The following SUSD1 variants were observed in gnomAD, a reference collection of about 807,000 sequenced individuals.
The protein encoded by SUSD1 is sushi domain-containing protein 1.
Under a neutral mutation model 86.9 loss-of-function variants are expected in SUSD1, and 65 were observed. The ratio of observed to expected loss-of-function variants is 0.75; its 90% CI spans 0.61 to 0.92. The LOEUF (loss-of-function observed/expected upper bound fraction) is 0.92, where lower values mean the gene tolerates loss of function less well. SUSD1 is among the 40% of genes least tolerant of loss of function. The pLI is 0.00. For synonymous variants in SUSD1, 346 were observed against 350.0 expected (o/e 0.99, Z 0.13); for missense variants, 850 against 929.7 (o/e 0.91, Z 1.11).
At chr9:112,059,867 T>C (rs1453352821) in intron 13 of SUSD1, among the ~76,000 whole-genome samples, 3 of 152,210 alleles carry the variant, frequency 2.0e-5, no homozygotes, top group African/African-American at 7.2e-5. Context: ...TCAGGCTTGA[T>C]AGCAGGGATC....
intron 11 of SUSD1, 90 bp from the exon 12 acceptor site, chr9:112,078,814 T>C (rs574922970): frequency 1.1e-4 from 83 of 755,720 alleles, no homozygotes; most frequent in African/African-American, 9.5e-4. Flanking sequence ...TCTTTCTCTT[T>C]TTTTTTTTTT....
At chr9:112,154,333 C>A (rs200252226) in intron 2 of SUSD1, among the ~76,000 whole-genome samples, 17,630 of 101,758 alleles carry the variant, frequency 0.17, 1,299 homozygotes, top group East Asian at 0.36. Context: ...CACACACACA[C>A]ACAAAAAAAA....
intron 10 of SUSD1, among the ~76,000 whole-genome samples, chr9:112,087,457 A>G (rs375832775): frequency 5.9e-5 from 9 of 152,336 alleles, no homozygotes; most frequent in African/African-American, 2.2e-4. Context: ...CTGGGATTAC[A>G]GGTATGAGCC....
At chr9:112,088,910 C>T (rs1485366655) in intron 10 of SUSD1, among the ~76,000 whole-genome samples, 6 of 152,120 alleles carry the variant, frequency 3.9e-5, no homozygotes, top group Admixed American at 3.9e-4. Flanking sequence ...AGTTTGAGAC[C>T]AGCATGGGCA....
intron 2 of SUSD1, among the ~76,000 whole-genome samples, chr9:112,155,754 G>T (rs1414329270): frequency 1.3e-5 from 2 of 151,932 alleles, no homozygotes; most frequent in Non-Finnish European, 2.9e-5. Context: ...TTGAGCCCAG[G>T]AGCTCAAGAC....
chr9:112,157,919 G>C (rs1393271459), intron 1 of SUSD1, among the ~76,000 whole-genome samples: 1 of 151,342 alleles, frequency 6.6e-6, no homozygotes, highest in Non-Finnish European at 1.5e-5. Context: ...AACCTCCTGG[G>C]AGAAGGTGAA....
intron 5 of SUSD1, among the ~76,000 whole-genome samples, chr9:112,127,476 C>A (rs1831822983): frequency 6.6e-6 from 1 of 152,146 alleles, no homozygotes; most frequent in Admixed American, 6.6e-5. Context: ...CCTTCTTCTG[C>A]AGGTGCACTC....
chr9:112,115,925 GTA>G (rs1337342229), intron 6 of SUSD1, among the ~76,000 whole-genome samples: 1 of 151,482 alleles, frequency 6.6e-6, no homozygotes, highest in Non-Finnish European at 1.5e-5. Flanking sequence ...GATGATGTTG[GTA>G]CCAGTCTTTT....
chr9:112,072,189 T>C (rs1281280977), intron 12 of SUSD1, among the ~76,000 whole-genome samples: 8 of 149,048 alleles, frequency 5.4e-5, no homozygotes, highest in Admixed American at 3.4e-4. Context: ...CTCACTCTGT[T>C]GTCTAGGCTG....
At chr9:112,142,584 C>T in intron 4 of SUSD1, 85 bp from the exon 5 acceptor site, 1 of 1,261,968 alleles carries the variant, frequency 7.9e-7, no homozygotes, top group African/African-American at 1.5e-5. Flanking sequence ...TACCCTATTC[C>T]TCACACACAC....
At chr9:112,091,855 T>C (rs1365984186) in intron 10 of SUSD1, among the ~76,000 whole-genome samples, 3 of 152,228 alleles carry the variant, frequency 2.0e-5, no homozygotes, top group Non-Finnish European at 4.4e-5. Flanking sequence ...ACAAATTTGG[T>C]ATCTGGTCAG....
intron 1 of SUSD1, among the ~76,000 whole-genome samples, chr9:112,168,391 T>C (rs750459467): frequency 6.6e-6 from 1 of 152,106 alleles, no homozygotes; most frequent in Non-Finnish European, 1.5e-5. Flanking sequence ...CTTCGCCACA[T>C]CCTCCCAGCC....
intron 10 of SUSD1, among the ~76,000 whole-genome samples, chr9:112,082,291 T>G (rs951298444): frequency 2.6e-5 from 4 of 152,160 alleles, no homozygotes; most frequent in Admixed American, 6.5e-5. Context: ...GGTTAAATAA[T>G]GACCCCCACC....
At chr9:112,061,658 C>A (rs1240259892) in intron 13 of SUSD1, among the ~76,000 whole-genome samples, 4 of 152,164 alleles carry the variant, frequency 2.6e-5, no homozygotes, top group Admixed American at 2.6e-4. Flanking sequence ...TGTCAAGAAT[C>A]AGAACAATTT....
chr9:112,054,086 G>A (rs145324415), intron 14 of SUSD1, among the ~76,000 whole-genome samples: 2 of 152,178 alleles, frequency 1.3e-5, no homozygotes, highest in Non-Finnish European at 2.9e-5. Context: ...GATACACAAA[G>A]GGAAAAACAA....
At position 112,041,205 on chromosome 9, in the gene SUSD1, C is replaced by G; in HGVS notation, c.*287G>C. On this transcript the variant is annotated 3_prime_UTR_variant, in exon 17 of 17. Transcript: ENST00000374270. ...CCAAGATTCACAGATCTGTATGTAGCCTTCGGTCAATATCACAGTGTACAT... is the reference window on the plus strand; with the variant it reads ...CCAAGATTCACAGATCTGTATGTAGGCTTCGGTCAATATCACAGTGTACAT... The G allele has an allele frequency of 1.7e-6, 1 of 571,862 alleles. No individual in the cohort carries two copies. Among genetic ancestry groups the G allele is most frequent in the Non-Finnish European group, 3.1e-6 (1 of 320,118 alleles). The allele number at this position is 571,862 out of a possible 1,614,324, so 35.4% of individuals were successfully genotyped here.
intron 12 of SUSD1, among the ~76,000 whole-genome samples, chr9:112,069,753 T>C (rs75431846): frequency 0.03 from 3,993 of 133,438 alleles, 206 homozygotes; most frequent in African/African-American, 0.1. Context: ...ATCTCTTGGC[T>C]AACATTTTAA....
chr9:112,046,117 C>A (rs1404859177), intron 15 of SUSD1, among the ~76,000 whole-genome samples: 1 of 152,184 alleles, frequency 6.6e-6, no homozygotes, highest in Non-Finnish European at 1.5e-5. Context: ...GGTTATATGT[C>A]TTTTTGTCTA....
Position 112,142,495 on chromosome 9 carries a change from T to C in SUSD1, c.531A>G (p.Ile177Met). 1 of 1,598,516 alleles carries C rather than the reference T, an allele frequency of 6.3e-7. No homozygotes were observed. Among genetic ancestry groups the C allele is most frequent in the East Asian group, 2.2e-5 (1 of 44,824 alleles). ...PTTDATSCTE[I>M]DCGTPPEVPD... ...GAACCTCAGGAGGGGTACCACAGTC[T>C]ATTTCTGAAAATAAATTAATGTCAA... The change falls in exon 5 of 17, where the codon ATA becomes ATG. Residue 177 changes from isoleucine to methionine, a missense_variant. Transcript: ENST00000374270.
Sources: allele counts gnomAD v4.1 joint callset (sites outside exome capture counted in the v4.1 genomes callset), GRCh38; gene constraint gnomAD v4.1.1; transcripts MANE v1.5; gene names NCBI Gene and HGNC (gene_info 2026-07-23, HGNC 2026-07-21).